The following MIER2 variants were observed in gnomAD, a reference collection of about 807,000 sequenced individuals.
MIER2 encodes the protein mesoderm induction early response protein 2.
A neutral mutation model predicts 67.6 loss-of-function variants in MIER2; 30 were observed. That is an observed-to-expected ratio of 0.44 (90% confidence interval 0.33 to 0.60). The LOEUF is 0.60. Among genes scored for constraint, MIER2 ranks in the 20% least tolerant of loss-of-function variants. The pLI is 0.02. For missense variants in MIER2, 702 were observed against 745.1 expected (o/e 0.94, Z 0.67); for synonymous variants, 372 against 312.6 (o/e 1.19, Z -2.00).
chr19:313,762 T>C, intron 7 of MIER2, 119 bp from the exon 8 acceptor site: 3 of 1,407,174 alleles, frequency 2.1e-6, no homozygotes, highest in Non-Finnish European at 9.6e-7. Context: ...CCGTCCTCCC[T>C]TTCCCAAGCC....
intron 3 of MIER2, among the ~76,000 whole-genome samples, chr19:333,520 A>AT (rs749271456): frequency 0.02 from 694 of 34,944 alleles, 20 homozygotes; most frequent in South Asian, 0.046. Flanking sequence ...ATTTTTTTTA[A>AT]TTTTTTTTTT....
At chr19:322,105 G>A (rs147511915) in intron 7 of MIER2, among the ~76,000 whole-genome samples, 1,994 of 151,924 alleles carry the variant, frequency 0.013, 93 homozygotes, top group Admixed American at 0.11. Flanking sequence ...GGGTTTCACC[G>A]TGTTAGCCAG....
At chr19:343,845 G>A in intron 1 of MIER2, 1 of 985,256 alleles carries the variant, frequency 1.0e-6, no homozygotes. Flanking sequence ...GCCCTCCAAG[G>A]TGAAAGCAAG....
intron 7 of MIER2, among the ~76,000 whole-genome samples, chr19:323,935 C>T (rs1465581027): frequency 6.7e-6 from 1 of 149,948 alleles, no homozygotes; most frequent in Non-Finnish European, 1.5e-5. Context: ...CATCACAATG[C>T]AATAAAGACA....
chr19:317,309 C>T lies in MIER2; in HGVS notation c.656-3666G>A, dbSNP rs182200776. 6.3e-3 allele frequency among the ~76,000 whole-genome samples: 956 copies of T among 152,032 alleles called. 4 individuals carry two copies. Among genetic ancestry groups the T allele is most frequent in the Non-Finnish European group, 0.011 (739 of 67,988 alleles). On this transcript the variant is annotated intron_variant, in intron 7 of 13. Coordinates refer to ENST00000264819, the MANE Select transcript of MIER2 (RefSeq NM_017550.3). Reference sequence around the variant, plus strand: ...TTGGGAGGCTGAGGCGGGCGGATCACGAGGTCAGGAGATCGAGACCACCCG... The same window carrying T: ...TTGGGAGGCTGAGGCGGGCGGATCATGAGGTCAGGAGATCGAGACCACCCG...
intron 10 of MIER2, among the ~76,000 whole-genome samples, chr19:311,262 G>A (rs1392178574): frequency 1.3e-5 from 2 of 152,262 alleles, no homozygotes; most frequent in Admixed American, 1.3e-4. Context: ...AGAGATGTCT[G>A]ACTGCCAAGA....
At chr19:333,983 C>A (rs1054443364) in intron 3 of MIER2, 7 of 164,378 alleles carry the variant, frequency 4.3e-5, no homozygotes, top group Non-Finnish European at 9.2e-5. Flanking sequence ...TGAGCCACCG[C>A]GCCCGACAAT....
At chr19:338,170 C>CAAAAA (rs34351754) in intron 1 of MIER2, among the ~76,000 whole-genome samples, 1 of 76,902 alleles carries the variant, frequency 1.3e-5, no homozygotes, top group Non-Finnish European at 2.6e-5. Flanking sequence ...GACTCCATCT[C>CAAAAA]AAAAAAAAAA....
chr19:334,616 C>T (rs1341288775), intron 2 of MIER2, 74 bp from the exon 3 acceptor site: 1 of 1,556,276 alleles, frequency 6.4e-7, no homozygotes, highest in African/African-American at 1.4e-5. Flanking sequence ...ACTACTGACG[C>T]CTGGTGAAGC....
chr19:330,541 T>C (rs1171668773), intron 3 of MIER2, among the ~76,000 whole-genome samples: 2 of 143,358 alleles, frequency 1.4e-5, no homozygotes, highest in Non-Finnish European at 3.0e-5. Context: ...AGCGAGACCC[T>C]GTCTCAAAAA....
chr19:344,473 GCCCCGCCCCGCGTCCCTCCCCTC>G, intron 1 of MIER2: 1 of 695,320 alleles, frequency 1.4e-6, no homozygotes. Context: ...CCCGACACCA[GCCCCGCCCCGCGTCCCTCCCCTC>G]CCCCACCCCG....
At chr19:310,715 G>C (rs1027191337) in intron 10 of MIER2, among the ~76,000 whole-genome samples, 13 of 148,326 alleles carry the variant, frequency 8.8e-5, no homozygotes, top group Non-Finnish European at 1.9e-4. Flanking sequence ...CGGAGCTATA[G>C]GAACATGGCC....
At chr19:339,787 G>T (rs887926864) in intron 1 of MIER2, among the ~76,000 whole-genome samples, 1 of 152,002 alleles carries the variant, frequency 6.6e-6, no homozygotes, top group African/African-American at 2.4e-5. Context: ...GACAGAAAAT[G>T]GATTCCTGGT....
At position 334,452 on chromosome 19, in the gene MIER2, G is replaced by A. The variant is rs370559315; in HGVS notation, c.191C>T (p.Ser64Leu). Reference protein sequence around the residue: ...YSVRGECEEASRCPDKPKEEL... With the variant: ...YSVRGECEEALRCPDKPKEEL... ...CTCCTTGGGCTTGTCTGGGCACCTC[G>A]AGGCCTCCTCGCACTCCCCCCTAAC... Residue 64 changes from serine (S) to leucine (L), a missense_variant, in exon 3 of 14, where the codon TCG becomes TTG. By Grantham distance (145) the Ser-to-Leu change is moderately radical. This residue lies in a region of MIER2 where 320 missense variants were observed against 292.6 expected (regional missense o/e 1.09). Coordinates refer to ENST00000264819, the MANE Select transcript of MIER2 (RefSeq NM_017550.3). The A allele has an allele frequency of 3.1e-6, 5 of 1,614,018 alleles. No homozygotes were observed. The highest frequency in any genetic ancestry group is 2.7e-5 in the African/African-American group (2 of 74,916).
chr19:330,033 G>A lies in MIER2; in HGVS notation c.244-2044C>T, dbSNP rs1004028832. ...CTTCAAGGAACCACATGCATGGAAC[G>A]AGTGGTGAGACGAAGAGGCTGTTCC... On this transcript the variant is annotated intron_variant, in intron 3 of 13. Transcript: ENST00000264819. Among the ~76,000 whole-genome samples the A allele has an allele frequency of 5.3e-5, 8 of 152,112 alleles. No individual in the cohort carries two copies. The East Asian group carries it at 7.7e-4, about 15-fold the overall frequency.
intron 1 of MIER2, among the ~76,000 whole-genome samples, chr19:340,158 C>T (rs189301966): frequency 1.2e-4 from 18 of 152,314 alleles, no homozygotes; most frequent in African/African-American, 4.1e-4. Context: ...GAGTCAGTTA[C>T]CCAAGCTCAC....
In MIER2 at chr19:311,755, T is replaced by C. The variant is rs1971013493; in HGVS notation, c.984+90A>G. On this transcript the variant is annotated intron_variant, in intron 10 of 13. Transcript: ENST00000264819. The stretch of plus-strand genomic sequence containing the variant: ...GACACAGGACACGGGGCTCCAGGCC[T>C]CCAGTCGGCCGTGTGCTGTGTGCCT... 3.2e-6 allele frequency: 4 copies of C among 1,265,644 alleles called. No homozygotes were observed. The African/African-American group carries it at 4.4e-5, about 14-fold the overall frequency. The allele number at this position is 1,265,644 out of a possible 1,614,324, so 78.4% of individuals were successfully genotyped here. A position where few individuals can be genotyped will look rare whatever the true frequency, so the allele number is the denominator to read the frequency against.
At chr19:344,718 CG>C (rs927235163) in intron 1 of MIER2, 55 bp downstream of exon 1, 47 of 1,066,920 alleles carry the variant, frequency 4.4e-5, no homozygotes, top group African/African-American at 5.1e-5. Flanking sequence ...GCCACGGCGG[CG>C]GGGGGCGCGG....
chr19:311,046 A>G (rs1970978237), intron 10 of MIER2, among the ~76,000 whole-genome samples: 1 of 152,200 alleles, frequency 6.6e-6, no homozygotes, highest in Non-Finnish European at 1.5e-5. Context: ...GAGCCGTACA[A>G]CCAGCCCCGG....
Sources: allele counts gnomAD v4.1 joint callset (sites outside exome capture counted in the v4.1 genomes callset), GRCh38; gene constraint gnomAD v4.1.1; regional missense constraint gnomAD v4.1.1; transcripts MANE v1.5; gene names NCBI Gene and HGNC (gene_info 2026-07-23, HGNC 2026-07-21).